PRMT3: variants seen among roughly 807,000 people sequenced by gnomAD.
PRMT3 encodes protein arginine N-methyltransferase 3.
PRMT3 carries 62 observed loss-of-function variants against 71.9 expected under a neutral mutation model. That is an observed-to-expected ratio of 0.86 (90% CI 0.70 to 1.07). The LOEUF (loss-of-function observed/expected upper bound fraction) is 1.07. PRMT3 is among the 50% of genes least tolerant of loss of function. The pLI is 0.00. For missense variants in PRMT3, 663 were observed against 643.0 expected, an observed-to-expected ratio of 1.03 and a Z score of -0.34; for synonymous variants, 213 against 220.4, an observed-to-expected ratio of 0.97 and a Z score of 0.30.
intron 15 of PRMT3, among the ~76,000 whole-genome samples, chr11:20,501,861 A>G (rs1851465695): frequency 6.6e-6 from 1 of 152,176 alleles, no homozygotes; most frequent in South Asian, 2.1e-4. Context: ...AAAATATAAA[A>G]TCAGGCTATT....
chr11:20,499,270 A>G (rs1277681833), intron 15 of PRMT3, among the ~76,000 whole-genome samples: 1 of 152,202 alleles, frequency 6.6e-6, no homozygotes, highest in Non-Finnish European at 1.5e-5. Flanking sequence ...ACCACAAACT[A>G]TAGCTAATAA....
chr11:20,480,546 A>T (rs1850906512), intron 13 of PRMT3, among the ~76,000 whole-genome samples: 1 of 152,110 alleles, frequency 6.6e-6, no homozygotes, highest in Non-Finnish European at 1.5e-5. Flanking sequence ...GATGTTTTTT[A>T]AGTAGAGTGT....
chr11:20,420,745 A>G (rs1390485350), intron 9 of PRMT3, among the ~76,000 whole-genome samples: 1 of 152,172 alleles, frequency 6.6e-6, no homozygotes, highest in Admixed American at 6.5e-5. Context: ...ATCTATAAAA[A>G]CAAAACCTAC....
At chr11:20,398,484 G>A (rs1011525904) in intron 7 of PRMT3, among the ~76,000 whole-genome samples, 8 of 151,940 alleles carry the variant, frequency 5.3e-5, no homozygotes, top group Admixed American at 3.9e-4. Context: ...ATGGAGTCTC[G>A]CTCTGTCACC....
intron 10 of PRMT3, among the ~76,000 whole-genome samples, chr11:20,451,516 A>G (rs1590073869): frequency 6.6e-6 from 1 of 152,084 alleles, no homozygotes; most frequent in African/African-American, 2.4e-5. Context: ...AATACCAAAA[A>G]GAAAGTCACT....
intron 9 of PRMT3, among the ~76,000 whole-genome samples, chr11:20,421,691 AT>A (rs1489351750): frequency 6.6e-6 from 1 of 152,048 alleles, no homozygotes; most frequent in African/African-American, 2.4e-5. Flanking sequence ...TTCAAAAACC[AT>A]TGAGTCCTTG....
At chr11:20,440,885 T>C (rs1380975306) in intron 10 of PRMT3, among the ~76,000 whole-genome samples, 1 of 152,178 alleles carries the variant, frequency 6.6e-6, no homozygotes, top group Non-Finnish European at 1.5e-5. Flanking sequence ...ACAGAGTCTT[T>C]CATAGAGCAA....
intron 13 of PRMT3, among the ~76,000 whole-genome samples, chr11:20,485,119 T>C (rs1851040114): frequency 6.6e-6 from 1 of 152,094 alleles, no homozygotes; most frequent in Non-Finnish European, 1.5e-5. Flanking sequence ...GAGAAGTAAA[T>C]GAACACTTGC....
chr11:20,481,397 T>C (rs532826709), intron 13 of PRMT3, among the ~76,000 whole-genome samples: 1 of 152,234 alleles, frequency 6.6e-6, no homozygotes, highest in East Asian at 1.9e-4. Flanking sequence ...AGTAGATTTC[T>C]GTAGGATGAG....
Position 20,465,382 on chromosome 11 carries a change from G to T in PRMT3, c.1347+836G>T, listed in dbSNP as rs533037172. Among the ~76,000 whole-genome samples the T allele has an allele frequency of 3.3e-5, 5 of 151,884 alleles. No homozygotes were observed. In the East Asian group the frequency reaches 5.8e-4, roughly 18 times the overall value. On this transcript the variant is annotated intron_variant, in intron 13 of 15. Coordinates refer to ENST00000331079, the MANE Select transcript of PRMT3 (RefSeq NM_005788.4). The stretch of plus-strand genomic sequence containing the variant: ...ATTTATATTATTTTAAAAATATATG[G>T]TTTTTAAAACTATGTCCTCAGAAGT...
At chr11:20,504,684 TTGTA>T (rs751849015) in intron 15 of PRMT3, among the ~76,000 whole-genome samples, 5 of 121,114 alleles carry the variant, frequency 4.1e-5, no homozygotes, top group African/African-American at 1.7e-4. Flanking sequence ...ATCTCAAGTA[TTGTA>T]TGTGTGTGTG....
rs369081539 is a variant in PRMT3, at chr11:20,501,037, CTTTTA to C, written c.1486+6788_1486+6792del. 1.6e-4 allele frequency among the ~76,000 whole-genome samples: 24 copies of C among 152,258 alleles called. No individual in the cohort carries two copies. In the East Asian group the frequency reaches 3.7e-3, roughly 23 times the overall value. Reference sequence around the variant, plus strand: ...TACAGATTGCTCATTTTTAAGCTAACTTTTATTTTTCTTGCTTTTGTCCAAGATGT... The same window carrying C: ...TACAGATTGCTCATTTTTAAGCTAACTTTTTCTTGCTTTTGTCCAAGATGT... On this transcript the variant is annotated intron_variant, in intron 15 of 15. Transcript: ENST00000331079.
intron 9 of PRMT3, among the ~76,000 whole-genome samples, chr11:20,421,642 C>T (rs77585027): frequency 0.047 from 7,134 of 152,248 alleles, 273 homozygotes; most frequent in East Asian, 0.2. Context: ...ATAATTTCTT[C>T]GTAGAACCCT....
At chr11:20,443,797 T>G (rs1014300876) in intron 10 of PRMT3, among the ~76,000 whole-genome samples, 1 of 152,172 alleles carries the variant, frequency 6.6e-6, no homozygotes, top group Non-Finnish European at 1.5e-5. Context: ...TTTTGTTGAT[T>G]AAGTGAGAGT....
At chr11:20,396,051 T>C (rs1590030556) in intron 6 of PRMT3, 89 bp downstream of exon 6, 1 of 1,212,532 alleles carries the variant, frequency 8.2e-7, no homozygotes, top group Non-Finnish European at 1.2e-6. Context: ...GAACATTTCA[T>C]ATACTGGAAA....
chr11:20,506,151 T>C (rs1851585888), intron 15 of PRMT3, among the ~76,000 whole-genome samples: 1 of 152,160 alleles, frequency 6.6e-6, no homozygotes, highest in Admixed American at 6.5e-5. Flanking sequence ...TTAAGTGAGA[T>C]AAATCATGTA....
intron 3 of PRMT3, among the ~76,000 whole-genome samples, chr11:20,391,207 G>T (rs117966620): frequency 6.6e-6 from 1 of 152,070 alleles, no homozygotes. Flanking sequence ...AAGTACTTTC[G>T]TAAGGCATAA....
chr11:20,502,635 A>G (rs1052736617), intron 15 of PRMT3, among the ~76,000 whole-genome samples: 5 of 152,108 alleles, frequency 3.3e-5, no homozygotes, highest in African/African-American at 1.2e-4. Flanking sequence ...ACATCCTTTG[A>G]TCCTGAAATG....
rs1027415375 is a variant in PRMT3 at position 20,452,189 on chromosome 11, C to T, written c.1053C>T (p.Tyr351=). The T allele has an allele frequency of 3.6e-5, 58 of 1,609,104 alleles. No individual in the cohort carries two copies. The highest frequency in any genetic ancestry group is 4.8e-5 in the Non-Finnish European group (56 of 1,176,098). The change falls in exon 11 of 16, where the codon TAC becomes TAT. Residue 351 remains tyrosine (Y), a synonymous_variant. Coordinates refer to ENST00000331079, the MANE Select transcript of PRMT3 (RefSeq NM_005788.4). ...LDSVLYAKNK[Y]LAKGGSVYPD... ...CTGTCCTTTATGCAAAGAACAAATA[C>T]TTGGCAAAAGGAGGCTCGGGTGAGT...
Sources: allele counts gnomAD v4.1 joint callset (sites outside exome capture counted in the v4.1 genomes callset), GRCh38; gene constraint gnomAD v4.1.1; transcripts MANE v1.5; gene names NCBI Gene and HGNC (gene_info 2026-07-23, HGNC 2026-07-21).